The following COL12A1 variants were observed in gnomAD, a reference collection of about 807,000 sequenced individuals.
COL12A1 encodes the protein collagen alpha-1(XII) chain.
A neutral mutation model predicts 349.7 loss-of-function variants in COL12A1; 114 were observed. The ratio of observed to expected loss-of-function variants is 0.33; its 90% CI spans 0.28 to 0.38. The LOEUF (loss-of-function observed/expected upper bound fraction) is 0.38. COL12A1 is among the 10% of genes least tolerant of loss of function. The pLI is 1.00. For synonymous variants in COL12A1, 1,369 were observed against 1,329.0 expected, an observed-to-expected ratio of 1.03 and a Z score of -0.66; for missense variants, 3,284 against 3,756.9, an observed-to-expected ratio of 0.87 and a Z score of 3.29.
At chr6:75,121,199 T>A in intron 44 of COL12A1, 103 bp downstream of exon 44, 1 of 1,135,328 alleles carries the variant, frequency 8.8e-7, no homozygotes, top group South Asian at 2.7e-5. Flanking sequence ...TAGGAGAAGG[T>A]CAAAACAGAG....
chr6:75,101,341 C>T (rs369007277), intron 58 of COL12A1, among the ~76,000 whole-genome samples: 1 of 152,170 alleles, frequency 6.6e-6, no homozygotes, highest in Non-Finnish European at 1.5e-5. Flanking sequence ...TTCTGGACTT[C>T]TTTTTATGAA....
In COL12A1 at chr6:75,131,879, G is replaced by A. The variant is rs138227834; in HGVS notation, c.5937+61C>T. 697 of 1,577,848 alleles carry A rather than the reference G, an allele frequency of 4.4e-4. 1 individual carries two copies. The African/African-American group carries it at 5.6e-3, about 13-fold the overall frequency. On this transcript the variant is annotated intron_variant, in intron 35 of 65. Transcript: ENST00000322507. ...TTTGTGTTCTCCCAGGCTATCAAAC[G>A]TGACACAAACATGTGACTACATTCA...
chr6:75,130,519 G>A (rs1207190458), intron 36 of COL12A1, among the ~76,000 whole-genome samples: 1 of 152,042 alleles, frequency 6.6e-6, no homozygotes, highest in Non-Finnish European at 1.5e-5. Flanking sequence ...AAAACATAAA[G>A]ACTAAACCCT....
chr6:75,174,135 A>G (rs1768784738), intron 13 of COL12A1, among the ~76,000 whole-genome samples: 1 of 152,354 alleles, frequency 6.6e-6, no homozygotes, highest in East Asian at 1.9e-4. Flanking sequence ...GGCCTCTGAC[A>G]ATTAACTCTA....
intron 44 of COL12A1, among the ~76,000 whole-genome samples, chr6:75,120,262 T>G (rs916904665): frequency 1.3e-5 from 2 of 152,164 alleles, no homozygotes; most frequent in East Asian, 1.9e-4. Flanking sequence ...AGGGTGAATT[T>G]TTACTCTTCT....
intron 44 of COL12A1, among the ~76,000 whole-genome samples, chr6:75,121,086 T>C (rs1254651917): frequency 3.3e-5 from 5 of 152,216 alleles, no homozygotes; most frequent in Non-Finnish European, 2.9e-5. Context: ...ACAGGAATAT[T>C]ATCTAGCCAA....
chr6:75,101,730 A>AT (rs368328098), intron 57 of COL12A1, 77 bp from the exon 58 acceptor site: 3,001 of 1,402,862 alleles, frequency 2.1e-3, no homozygotes, highest in Non-Finnish European at 2.4e-3. Flanking sequence ...TATTTTCCAA[A>AT]TTTTTTTTTT....
chr6:75,122,257 AT>A, intron 43 of COL12A1, among the ~76,000 whole-genome samples: 1 of 152,348 alleles, frequency 6.6e-6, no homozygotes, highest in Admixed American at 6.5e-5. Flanking sequence ...AATTAACAAA[AT>A]TTTAGTTTAT....
intron 56 of COL12A1, 134 bp from the exon 57 acceptor site, chr6:75,102,186 T>C (rs1768335634): frequency 1.2e-6 from 1 of 820,938 alleles, no homozygotes; most frequent in Admixed American, 2.6e-5. Context: ...CACAGAAGGG[T>C]ATTTTTGAAA....
intron 14 of COL12A1, among the ~76,000 whole-genome samples, chr6:75,159,283 T>C (rs2149429085): frequency 6.6e-6 from 1 of 150,980 alleles, no homozygotes; most frequent in East Asian, 1.9e-4. Flanking sequence ...TATTTTTAGG[T>C]TTAAAGAAAC....
chr6:75,173,533 C>T (rs891327720), intron 13 of COL12A1, among the ~76,000 whole-genome samples: 5 of 152,196 alleles, frequency 3.3e-5, no homozygotes, highest in Admixed American at 6.5e-5. Context: ...TGCGCCACCA[C>T]GCACAGCTAA....
chr6:75,138,428 T>G lies in COL12A1; in HGVS notation c.5230+20A>C, dbSNP rs756121696. On this transcript the variant is annotated intron_variant, in intron 29 of 65. Coordinates refer to ENST00000322507, the MANE Select transcript of COL12A1 (RefSeq NM_004370.6). ...TTAACTTTAAAATATCAATGTCCTA[T>G]TTGAAAGCTAAACACCTACGTGTGC... 37 of 1,610,034 alleles carry G rather than the reference T, an allele frequency of 2.3e-5. 1 individual carries two copies. The South Asian group carries it at 3.9e-4, about 17-fold the overall frequency.
intron 65 of COL12A1, 32 bp downstream of exon 65, chr6:75,087,545 G>T: frequency 6.2e-7 from 1 of 1,609,302 alleles, no homozygotes; most frequent in Non-Finnish European, 8.5e-7. Flanking sequence ...TACTTCAGGT[G>T]AGTTGGGGTT....
intron 38 of COL12A1, among the ~76,000 whole-genome samples, chr6:75,128,010 T>C (rs901000725): frequency 2.0e-5 from 3 of 152,154 alleles, no homozygotes; most frequent in South Asian, 2.1e-4. Flanking sequence ...TCAGAGAATA[T>C]GCAATAGTTT....
intron 43 of COL12A1, among the ~76,000 whole-genome samples, chr6:75,122,750 A>C (rs1232777848): frequency 1.3e-5 from 2 of 152,382 alleles, no homozygotes; most frequent in East Asian, 1.9e-4. Flanking sequence ...GAAAAGAATA[A>C]TACAGTAGTT....
At chr6:75,195,286 A>G (rs1347205036) in intron 2 of COL12A1, among the ~76,000 whole-genome samples, 3 of 152,182 alleles carry the variant, frequency 2.0e-5, no homozygotes, top group African/African-American at 7.2e-5. Context: ...ATATGCAAAC[A>G]ATTCACATAA....
rs77459895 is a variant in COL12A1, at chr6:75,181,158, T to G, written c.1945A>C (p.Lys649Gln). 75 of 1,613,556 alleles carry G rather than the reference T, an allele frequency of 4.6e-5. 1 individual carries two copies. In the East Asian group the frequency reaches 1.7e-3, roughly 35 times the overall value. ...SFSEVTSYGF[K>Q]TNWSPAGENV... is the part of the protein sequence containing the mutation. ...TCTCCAGCTGGAGACCAGTTGGTTT[T>G]GAAACCATAAGAAGTCACTTCTGAA... The change falls in exon 11 of 66, where the codon AAA (lysine) becomes CAA (glutamine). Residue 649 changes from lysine to glutamine, a missense_variant. Lys to Gln is a moderately conservative substitution (Grantham distance 53). Transcript: ENST00000322507.
intron 12 of COL12A1, among the ~76,000 whole-genome samples, chr6:75,176,032 G>A (rs1768922238): frequency 6.6e-6 from 1 of 152,146 alleles, no homozygotes. Context: ...GAGGTATTGG[G>A]TCACATTATG....
intron 3 of COL12A1, among the ~76,000 whole-genome samples, chr6:75,192,616 G>C (rs1769996920): frequency 6.6e-6 from 1 of 151,998 alleles, no homozygotes; most frequent in Non-Finnish European, 1.5e-5. Flanking sequence ...CTAGTTTAAA[G>C]GTATACCAGA....
Sources: allele counts gnomAD v4.1 joint callset (sites outside exome capture counted in the v4.1 genomes callset), GRCh38; gene constraint gnomAD v4.1.1; transcripts MANE v1.5; gene names NCBI Gene and HGNC (gene_info 2026-07-23, HGNC 2026-07-21).